RAPGEF6: variants seen among roughly 807,000 people sequenced by gnomAD.
RAPGEF6 encodes the protein Rap guanine nucleotide exchange factor 6, also known as PDZ domain containing guanine nucleotide exchange factor (GEF) 2.
In RAPGEF6, 56 loss-of-function variants were observed where a neutral mutation model predicts 171.4. The observed-to-expected ratio is 0.33, with a 90% CI of 0.26 to 0.41. The LOEUF is 0.41. RAPGEF6 is among the 10% of genes least tolerant of loss of function. RAPGEF6 has a pLI of 1.00. For synonymous variants in RAPGEF6, 692 were observed against 650.1 expected, an observed-to-expected ratio of 1.06 and a Z score of -0.98; for missense variants, 1,674 against 1,921.4, an observed-to-expected ratio of 0.87 and a Z score of 2.41.
At chr5:131,595,763 C>T in intron 3 of RAPGEF6, among the ~76,000 whole-genome samples, 1 of 152,176 alleles carries the variant, frequency 6.6e-6, no homozygotes, top group Non-Finnish European at 1.5e-5. Context: ...TAAGCTCCTC[C>T]AATTAATAGA....
intron 6 of RAPGEF6, among the ~76,000 whole-genome samples, chr5:131,527,398 A>G (rs1441607610): frequency 6.6e-6 from 1 of 152,230 alleles, no homozygotes; most frequent in African/African-American, 2.4e-5. Flanking sequence ...TTGGCAAAAA[A>G]CAAGTATGAT....
chr5:131,450,579 A>T (rs1259482583), intron 21 of RAPGEF6, among the ~76,000 whole-genome samples: 5 of 152,196 alleles, frequency 3.3e-5, no homozygotes, highest in Admixed American at 1.3e-4. Flanking sequence ...GTAAGAAAAA[A>T]CATATCATTA....
chr5:131,489,377 A>T (rs898921979), intron 15 of RAPGEF6, among the ~76,000 whole-genome samples, 169 bp downstream of exon 15: 2 of 152,222 alleles, frequency 1.3e-5, no homozygotes, highest in Non-Finnish European at 2.9e-5. Context: ...CATAATGAAA[A>T]ATGAAAATTC....
At chr5:131,527,992 G>A (rs1759011235) in intron 6 of RAPGEF6, among the ~76,000 whole-genome samples, 1 of 145,956 alleles carries the variant, frequency 6.9e-6, no homozygotes, top group Non-Finnish European at 1.5e-5. Context: ...TCCAGCCTGG[G>A]GGACAGAGTG....
chr5:131,594,257 G>A (rs1167767147), intron 3 of RAPGEF6, among the ~76,000 whole-genome samples: 2 of 152,244 alleles, frequency 1.3e-5, no homozygotes, highest in Non-Finnish European at 2.9e-5. Flanking sequence ...TTAAAACTGT[G>A]TGGCCAAAAG....
At chr5:131,521,328 T>C (rs1758460595) in intron 7 of RAPGEF6, 62 bp downstream of exon 7, 11 of 1,458,758 alleles carry the variant, frequency 7.5e-6, no homozygotes, top group Non-Finnish European at 1.0e-5. Context: ...TAAGGCACAA[T>C]CACAGAATAT....
intron 6 of RAPGEF6, chr5:131,532,303 A>G (rs1283139650): frequency 8.5e-6 from 2 of 234,238 alleles, no homozygotes; most frequent in Admixed American, 1.1e-4. Flanking sequence ...TTTAAAACTG[A>G]AATCAGGAGC....
intron 9 of RAPGEF6, 91 bp from the exon 10 acceptor site, chr5:131,505,613 G>A: frequency 8.8e-7 from 1 of 1,141,094 alleles, no homozygotes; most frequent in Non-Finnish European, 1.2e-6. Context: ...TATATAACTT[G>A]AATAAAAAGG....
chr5:131,489,553 G>A lies in RAPGEF6; in HGVS notation c.1833C>T (p.Asn611=). ...TTTTACAACAAAACTCACCAAAAAT[G>A]TTGGTCTTCACAGTAAGTGCAAGAT... ...NTHLALTVKT[N]IFVFKELLFR... is the part of the protein sequence containing the mutation. The change falls in exon 15 of 28, where the codon AAC becomes AAT. Residue 611 remains asparagine (N), a synonymous_variant. Coordinates refer to ENST00000509018, the MANE Select transcript of RAPGEF6 (RefSeq NM_016340.6). 1.9e-6 allele frequency: 3 copies of A among 1,567,266 alleles called. No individual in the cohort carries two copies. The highest frequency in any genetic ancestry group is 1.7e-4 in the Middle Eastern group (1 of 5,996).
intron 16 of RAPGEF6, among the ~76,000 whole-genome samples, chr5:131,476,912 T>C (rs1755136899): frequency 6.6e-6 from 1 of 152,222 alleles, no homozygotes; most frequent in South Asian, 2.1e-4. Flanking sequence ...TATAAACTTA[T>C]AACATTTTCA....
intron 11 of RAPGEF6, among the ~76,000 whole-genome samples, chr5:131,499,408 C>T (rs1171280932): frequency 3.3e-5 from 5 of 151,858 alleles, no homozygotes; most frequent in African/African-American, 4.8e-5. Flanking sequence ...TGGTGAAACC[C>T]CGTCTCTACT....
intron 10 of RAPGEF6, 86 bp from the exon 11 acceptor site, chr5:131,504,864 A>C (rs1192375627): frequency 8.0e-7 from 1 of 1,243,292 alleles, no homozygotes; most frequent in African/African-American, 1.6e-5. Context: ...CAAAGGTAAG[A>C]AATCTAGCGG....
intron 6 of RAPGEF6, among the ~76,000 whole-genome samples, chr5:131,527,754 G>A (rs1758983971): frequency 6.6e-6 from 1 of 152,104 alleles, no homozygotes; most frequent in South Asian, 2.1e-4. Flanking sequence ...GATGGCTCAC[G>A]CCTGTAATCC....
chr5:131,448,045 G>T (rs539191414), intron 21 of RAPGEF6, among the ~76,000 whole-genome samples: 1 of 152,198 alleles, frequency 6.6e-6, no homozygotes, highest in African/African-American at 2.4e-5. Flanking sequence ...CCCAAAGCAA[G>T]TGACAAGAGA....
intron 9 of RAPGEF6, among the ~76,000 whole-genome samples, chr5:131,506,577 A>G (rs1757384998): frequency 6.6e-6 from 1 of 152,344 alleles, no homozygotes; most frequent in South Asian, 2.1e-4. Context: ...AAGGGTAATC[A>G]ATGGCAATAA....
chr5:131,609,668 C>T (rs1764826048), intron 1 of RAPGEF6, among the ~76,000 whole-genome samples: 2 of 152,160 alleles, frequency 1.3e-5, no homozygotes, highest in Admixed American at 6.6e-5. Flanking sequence ...CAGAGACCAA[C>T]CGTATGAGTT....
intron 24 of RAPGEF6, chr5:131,436,479 T>A: frequency 1.8e-6 from 2 of 1,137,126 alleles, no homozygotes; most frequent in Non-Finnish European, 2.4e-6. Flanking sequence ...CTTGATAATA[T>A]CTGAAAAATT....
intron 4 of RAPGEF6, among the ~76,000 whole-genome samples, chr5:131,584,514 AC>A (rs1420937373): frequency 6.6e-6 from 1 of 152,240 alleles, no homozygotes; most frequent in Admixed American, 6.5e-5. Context: ...CCACCAGATT[AC>A]AAGGATGAGG....
rs1753224164 is a variant in RAPGEF6, at chr5:131,453,146, G to A, written c.3108C>T (p.Asn1036=). 3 of 1,613,504 alleles carry A rather than the reference G, an allele frequency of 1.9e-6. No individual in the cohort carries two copies. The highest frequency in any genetic ancestry group is 1.7e-5 in the Admixed American group (1 of 59,964). ...TGGAAATCATTCTTAACTTCTCAAA[G>A]TTTACTAAACCATCTACTTTGGAGT... The part of the protein sequence containing the change: ...GNDSKVDGLV[N]FEKLRMISKE... Residue 1036 remains asparagine (N), a synonymous_variant, in exon 21 of 28, where the codon AAC becomes AAT. Transcript: ENST00000509018.
Sources: allele counts gnomAD v4.1 joint callset (sites outside exome capture counted in the v4.1 genomes callset), GRCh38; gene constraint gnomAD v4.1.1; transcripts MANE v1.5; gene names NCBI Gene and HGNC (gene_info 2026-07-23, HGNC 2026-07-21).